The following PTPRF variants were observed in gnomAD, a reference collection of about 807,000 sequenced individuals.
The protein encoded by PTPRF is protein tyrosine phosphatase receptor type F, also known as receptor-type tyrosine-protein phosphatase F.
PTPRF carries 59 observed loss-of-function variants against 201.8 expected under a neutral mutation model. That is an observed-to-expected ratio of 0.29 (90% CI 0.24 to 0.36). The LOEUF is 0.36. PTPRF is among the 10% of genes least tolerant of loss of function. The probability of loss-of-function intolerance (pLI) is 1.00; values close to 1 mark genes in which losing one functional copy is unlikely to be tolerated. For missense variants in PTPRF, 2,132 were observed against 2,690.5 expected, an observed-to-expected ratio of 0.79 and a Z score of 4.59; for synonymous variants, 1,088 against 1,089.7, an observed-to-expected ratio of 1.00 and a Z score of 0.03.
intron 22 of PTPRF, among the ~76,000 whole-genome samples, chr1:43,612,407 A>G (rs1656668816): frequency 1.3e-5 from 2 of 152,182 alleles, no homozygotes; most frequent in South Asian, 4.1e-4. Flanking sequence ...CTTTTTTCCA[A>G]CGTGGAAATC....
In PTPRF at chr1:43,620,498, C is replaced by T. The variant is rs1658952381; in HGVS notation, c.5283C>T (p.Tyr1761=). 2 of 1,613,198 alleles carry T rather than the reference C, an allele frequency of 1.2e-6. No individual in the cohort carries two copies. The highest frequency in any genetic ancestry group is 1.1e-5 in the South Asian group (1 of 91,066). ...QYWPAERSAR[Y]QYFVVDPMAE... is the part of the protein sequence containing the mutation. ...GGCCAGCAGAGCGCTCTGCTCGCTACCAGTACTTTGTTGTTGACCCGATGG... is the reference window on the plus strand; with the variant it reads ...GGCCAGCAGAGCGCTCTGCTCGCTATCAGTACTTTGTTGTTGACCCGATGG... Residue 1761 remains tyrosine (Y), a synonymous_variant, in exon 31 of 34, where the codon TAC becomes TAT. Coordinates refer to ENST00000359947, the MANE Select transcript of PTPRF (RefSeq NM_002840.5).
At chr1:43,586,146 G>A (rs1002950042) in intron 7 of PTPRF, among the ~76,000 whole-genome samples, 2 of 152,216 alleles carry the variant, frequency 1.3e-5, no homozygotes, top group Non-Finnish European at 2.9e-5. Flanking sequence ...TAATTGGCAG[G>A]TGATAGCATC....
At chr1:43,619,885 A>G (rs778169359) in intron 29 of PTPRF, 27 bp downstream of exon 29, 46 of 1,610,268 alleles carry the variant, frequency 2.9e-5, no homozygotes, top group Non-Finnish European at 3.7e-5. Context: ...CTGCCCCACC[A>G]TGCCCTACAG....
chr1:43,564,367 C>G (rs1646011495), intron 5 of PTPRF, among the ~76,000 whole-genome samples: 1 of 152,168 alleles, frequency 6.6e-6, no homozygotes, highest in African/African-American at 2.4e-5. Flanking sequence ...GCCCTGCCAC[C>G]TACGAGGTTC....
chr1:43,556,002 C>T (rs1031194992), intron 5 of PTPRF, among the ~76,000 whole-genome samples: 1 of 152,190 alleles, frequency 6.6e-6, no homozygotes, highest in African/African-American at 2.4e-5. Context: ...TGTGTCAATT[C>T]ATACTCCTGC....
At chr1:43,572,022 C>G (rs544545417) in intron 6 of PTPRF, among the ~76,000 whole-genome samples, 29 of 152,350 alleles carry the variant, frequency 1.9e-4, no homozygotes, top group African/African-American at 6.0e-4. Flanking sequence ...GTGCCCTTGA[C>G]CCTCCTAACA....
chr1:43,579,203 T>C (rs1647147774), intron 7 of PTPRF: 2 of 629,446 alleles, frequency 3.2e-6, no homozygotes, highest in East Asian at 3.4e-5. Flanking sequence ...CGGAGCCCCA[T>C]GGGAATTTGG....
chr1:43,562,797 A>G (rs1005840051), intron 5 of PTPRF, among the ~76,000 whole-genome samples: 4 of 152,190 alleles, frequency 2.6e-5, no homozygotes, highest in African/African-American at 4.8e-5. Context: ...AAGGAAACCA[A>G]TGACAGGTTG....
intron 5 of PTPRF, among the ~76,000 whole-genome samples, chr1:43,557,519 A>G (rs1185544460): frequency 2.0e-5 from 3 of 152,094 alleles, no homozygotes; most frequent in Non-Finnish European, 2.9e-5. Context: ...CTGTAGTCCC[A>G]GCTACTTGGG....
At chr1:43,604,304 C>G in intron 16 of PTPRF, 115 bp downstream of exon 16, 1 of 1,051,636 alleles carries the variant, frequency 9.5e-7, no homozygotes, top group Non-Finnish European at 1.4e-6. Flanking sequence ...GGTGTGTGAC[C>G]TCCAATCTCT....
intron 6 of PTPRF, among the ~76,000 whole-genome samples, chr1:43,575,160 C>G (rs1475389779): frequency 1.3e-5 from 2 of 152,166 alleles, no homozygotes; most frequent in Non-Finnish European, 2.9e-5. Flanking sequence ...GGGATGAAAC[C>G]CGCTCAAATC....
Position 43,588,772 on chromosome 1 carries a change from C to G in PTPRF, c.721C>G (p.Gln241Glu), listed in dbSNP as rs1198021971. The G allele has an allele frequency of 2.5e-6, 4 of 1,613,766 alleles. No homozygotes were observed. The African/African-American group carries it at 5.3e-5, about 22-fold the overall frequency. ...APRFSIPPSS[Q>E]EVMPGGSVNL... ...TCGTTTCTCCATCCCTCCCAGCAGC[C>G]AGGAGGTGATGCCAGGCGGCAGCGT... The change falls in exon 8 of 34, where the codon CAG becomes GAG. Residue 241 changes from glutamine to glutamate, a missense_variant. By Grantham distance (29) the Gln-to-Glu change is conservative. Transcript: ENST00000359947. This position sits in a 1 kb window ranked among gnomAD's most constrained non-coding sequence, Gnocchi z 5.3.
At position 43,605,632 on chromosome 1, in the gene PTPRF, G is replaced by A. The variant is rs61769647; in HGVS notation, c.3483+10G>A. The A allele has an allele frequency of 5.6e-6, 9 of 1,613,122 alleles. No individual in the cohort carries two copies. The African/African-American group carries it at 6.7e-5, about 12-fold the overall frequency. The stretch of plus-strand genomic sequence containing the variant: ...ACTGGAGCTGGACGAGGTACCTGGG[G>A]AGGGGATGGGGACACTGACAGCCCC... On this transcript the variant is annotated intron_variant, in intron 19 of 33. Transcript: ENST00000359947.
Position 43,621,078 on chromosome 1 carries a change from C to G in PTPRF, c.5520-19C>G. The G allele has an allele frequency of 6.2e-7, 1 of 1,613,026 alleles. No homozygotes were observed. Among genetic ancestry groups the G allele is most frequent in the Non-Finnish European group, 8.5e-7 (1 of 1,179,186 alleles). Reference sequence around the variant, plus strand: ...CATGAGGCAAGCAGGACTCCTGACCCAACTGTGTTTCTGAGCAGTGCTGGC... The same window carrying G: ...CATGAGGCAAGCAGGACTCCTGACCGAACTGTGTTTCTGAGCAGTGCTGGC... On this transcript the variant is annotated intron_variant, in intron 32 of 33. Transcript: ENST00000359947.
chr1:43,606,538 A>G (rs571546591), intron 20 of PTPRF, 80 bp downstream of exon 20: 1 of 1,363,096 alleles, frequency 7.3e-7, no homozygotes, highest in Admixed American at 1.9e-5. Context: ...AAACACCACA[A>G]GACCCCAGGT....
intron 5 of PTPRF, among the ~76,000 whole-genome samples, chr1:43,563,191 A>T (rs939848791): frequency 4.0e-5 from 6 of 151,594 alleles, no homozygotes; most frequent in South Asian, 4.2e-4. Context: ...AAAAAAAAAA[A>T]AAATAAGATT....
At chr1:43,601,471 C>G (rs1483301941) in intron 13 of PTPRF, among the ~76,000 whole-genome samples, 2 of 152,262 alleles carry the variant, frequency 1.3e-5, no homozygotes, top group African/African-American at 2.4e-5. Flanking sequence ...CTGGCTTGCC[C>G]TTGGGCCCAC....
intron 23 of PTPRF, among the ~76,000 whole-genome samples, chr1:43,615,587 T>TTTTTTTTTTTTC: frequency 7.0e-6 from 1 of 143,688 alleles, no homozygotes; most frequent in African/African-American, 2.7e-5. Flanking sequence ...TTTTTCTTTT[T>TTTTTTTTTTTTC]TGGAAGTCTC....
At position 43,589,009 on chromosome 1, in the gene PTPRF, G is replaced by A. The variant is rs1361154807; in HGVS notation, c.949+9G>A. ...CCAGGTCACAGTGAAAGGTGAGTGT[G>A]GCAGGTGCTGTAACCAGTGCCCTCC... On this transcript the variant is annotated intron_variant, in intron 8 of 33. Transcript: ENST00000359947. 6 of 1,539,188 alleles carry A rather than the reference G, an allele frequency of 3.9e-6. No homozygotes were observed. The South Asian group carries it at 6.3e-5, about 16-fold the overall frequency.
Sources: allele counts gnomAD v4.1 joint callset (sites outside exome capture counted in the v4.1 genomes callset), GRCh38; gene constraint gnomAD v4.1.1; non-coding constraint Gnocchi (gnomAD v3.1); transcripts MANE v1.5; gene names NCBI Gene and HGNC (gene_info 2026-07-23, HGNC 2026-07-21).